ETF1: variants seen among roughly 807,000 people sequenced by gnomAD.
ETF1 encodes the protein eukaryotic translation termination factor 1.
ETF1 carries 4 observed loss-of-function variants against 55.1 expected under a neutral mutation model. That is an observed-to-expected ratio of 0.07 (90% CI 0.04 to 0.17). The LOEUF (loss-of-function observed/expected upper bound fraction) is 0.17, where lower values mean the gene tolerates loss of function less well. Ranked by LOEUF, ETF1 falls within the 10% of genes least tolerant of loss-of-function variation. ETF1 has a pLI of 1.00. For missense variants in ETF1, 142 were observed against 523.6 expected (o/e 0.27, Z 7.11); for synonymous variants, 157 against 182.3 (o/e 0.86, Z 1.12).
Position 138,543,140 on chromosome 5 carries a change from G to C in ETF1, c.-62C>G. On this transcript the variant is annotated 5_prime_UTR_variant, in exon 1 of 11. Transcript: ENST00000360541. ...GCGGCAGCGGCTGCTCCTCCCCGGC[G>C]GCGGCTCCGCGGCGGCGGCGGCTCT... is the stretch of plus-strand genomic sequence containing the variant. 1.7e-6 allele frequency: 1 copy of C among 580,142 alleles called. No individual in the cohort carries two copies. The highest frequency in any genetic ancestry group is 3.0e-6 in the Non-Finnish European group (1 of 331,626). The allele number at this position is 580,142 out of a possible 1,614,324, so 35.9% of individuals were successfully genotyped here. A position where few individuals can be genotyped will look rare whatever the true frequency, so the allele number is the denominator to read the frequency against.
chr5:138,522,959 T>C (rs1361060105), intron 2 of ETF1, among the ~76,000 whole-genome samples: 3 of 151,806 alleles, frequency 2.0e-5, no homozygotes, highest in Admixed American at 6.6e-5. Flanking sequence ...TTAGCCAAGA[T>C]AGCGCCACTG....
Position 138,510,645 on chromosome 5 carries a change from G to T in ETF1, c.1019-16C>A, listed in dbSNP as rs1473307500. The T allele has an allele frequency of 6.2e-7, 1 of 1,611,808 alleles. No individual in the cohort carries two copies. The highest frequency in any genetic ancestry group is 8.5e-7 in the Non-Finnish European group (1 of 1,178,948). Reference sequence around the variant, plus strand: ...ATTTTCTCCTCTGTAGTATTAGGAGGAAAAAATGTGTTAACCTGGCTCTCA... The same window carrying T: ...ATTTTCTCCTCTGTAGTATTAGGAGTAAAAAATGTGTTAACCTGGCTCTCA... On this transcript the variant is annotated splice_polypyrimidine_tract_variant and intron_variant, in intron 8 of 10. Transcript: ENST00000360541.
At chr5:138,518,422 A>T (rs1466904720) in intron 3 of ETF1, among the ~76,000 whole-genome samples, 1 of 152,054 alleles carries the variant, frequency 6.6e-6, no homozygotes, top group Non-Finnish European at 1.5e-5. Context: ...CATGTTGTCC[A>T]GGCTGGTCTC....
rs772423930 is a variant in ETF1 at position 138,511,154 on chromosome 5, A to G, written c.909T>C (p.Phe303=). The G allele has an allele frequency of 1.4e-5, 22 of 1,614,160 alleles. No homozygotes were observed. The South Asian group carries it at 2.4e-4, about 18-fold the overall frequency. ...AAGCCTTTAGTGTATCTTCAACGCC[A>G]AAACAGTACTTGCCCGTGTCCTGGC... ...EISQDTGKYC[F]GVEDTLKALE... The change falls in exon 8 of 11, where the codon TTT becomes TTC. Residue 303 remains phenylalanine (F), a synonymous_variant. Coordinates refer to ENST00000360541, the MANE Select transcript of ETF1 (RefSeq NM_004730.4).
intron 2 of ETF1, among the ~76,000 whole-genome samples, chr5:138,519,680 A>T (rs1013436966): frequency 3.3e-5 from 5 of 151,372 alleles, no homozygotes; most frequent in African/African-American, 1.2e-4. Flanking sequence ...AAAAAAAAAA[A>T]TCTCTCTCTC....
chr5:138,542,591 A>AG (rs1221381441), intron 2 of ETF1: 2 of 1,387,884 alleles, frequency 1.4e-6, no homozygotes, highest in East Asian at 2.8e-5. Context: ...GCCTACCACG[A>AG]GGGGGGCCGA....
At chr5:138,523,448 C>T (rs1476332140) in intron 2 of ETF1, among the ~76,000 whole-genome samples, 3 of 151,944 alleles carry the variant, frequency 2.0e-5, no homozygotes, top group South Asian at 2.1e-4. Context: ...GCAGGAGAAT[C>T]GCTTGAACCC....
At chr5:138,513,976 T>C (rs1764915646) in intron 4 of ETF1, 2 of 856,260 alleles carry the variant, frequency 2.3e-6, no homozygotes, top group Non-Finnish European at 2.8e-6. Context: ...ACCAGAAAGA[T>C]ATCTGTATGC....
At position 138,506,411 on chromosome 5, in the gene ETF1, A is replaced by G. The variant is rs1394269355; in HGVS notation, c.*1894T>C. 1.3e-5 allele frequency: 2 copies of G among 152,680 alleles called. No homozygotes were observed. Among genetic ancestry groups the G allele is most frequent in the Non-Finnish European group, 2.9e-5 (2 of 68,048 alleles). The allele number at this position is 152,680 out of a possible 1,614,324, so 9.5% of individuals were successfully genotyped here. The stretch of plus-strand genomic sequence containing the variant: ...GCATACCCTAAATGTATCATGTGAA[A>G]CAACAAGCATATTCAAAAATGTAAA... On this transcript the variant is annotated 3_prime_UTR_variant, in exon 11 of 11. Coordinates refer to ENST00000360541, the MANE Select transcript of ETF1 (RefSeq NM_004730.4).
At chr5:138,514,296 G>A (rs1168401546) in intron 4 of ETF1, among the ~76,000 whole-genome samples, 1 of 152,190 alleles carries the variant, frequency 6.6e-6, no homozygotes. Context: ...GCTCACACAT[G>A]TAATCCCAGC....
intron 7 of ETF1, 119 bp downstream of exon 7, chr5:138,511,356 T>C: frequency 6.6e-7 from 1 of 1,509,850 alleles, no homozygotes; most frequent in Non-Finnish European, 8.8e-7. Flanking sequence ...TTTACATTTT[T>C]GGTACCTTGT....
Position 138,519,260 on chromosome 5 carries a change from T to C in ETF1, c.87-393A>G, listed in dbSNP as rs1446994457. 9 of 892,204 alleles carry C rather than the reference T, an allele frequency of 1.0e-5. No homozygotes were observed. The East Asian group carries it at 1.1e-3, about 105-fold the overall frequency. The allele number at this position is 892,204 out of a possible 1,614,324, so 55.3% of individuals were successfully genotyped here. A position where few individuals can be genotyped will look rare whatever the true frequency, so the allele number is the denominator to read the frequency against. On this transcript the variant is annotated intron_variant, in intron 2 of 10. Coordinates refer to ENST00000360541, the MANE Select transcript of ETF1 (RefSeq NM_004730.4). ...TTGAGTGGGAGACGCCATGACAGGA[T>C]GATGCAATGAGTCTTTCCAAAGTCT...
chr5:138,537,499 T>C (rs1336065290), intron 2 of ETF1, among the ~76,000 whole-genome samples: 2 of 152,250 alleles, frequency 1.3e-5, no homozygotes, highest in African/African-American at 4.8e-5. Flanking sequence ...AAGTCTGTAG[T>C]TGTTTGTTCT....
intron 4 of ETF1, among the ~76,000 whole-genome samples, chr5:138,517,100 G>C (rs951771422): frequency 2.0e-5 from 3 of 152,168 alleles, no homozygotes; most frequent in African/African-American, 4.8e-5. Context: ...GCTGGGCGGG[G>C]TTGCTCATGC....
At chr5:138,509,459 C>T (rs542516596) in intron 9 of ETF1, among the ~76,000 whole-genome samples, 2 of 152,048 alleles carry the variant, frequency 1.3e-5, no homozygotes, top group Non-Finnish European at 2.9e-5. Context: ...AAGACAAAAA[C>T]AAACAAACAA....
intron 2 of ETF1, among the ~76,000 whole-genome samples, chr5:138,540,902 T>G (rs943877369): frequency 6.6e-6 from 1 of 152,236 alleles, no homozygotes; most frequent in Non-Finnish European, 1.5e-5. Flanking sequence ...GTTTCCTTCA[T>G]TAAGCAGTAG....
chr5:138,512,247 TATATATATATA>T (rs1334014953), intron 6 of ETF1, among the ~76,000 whole-genome samples: 4 of 8,294 alleles, frequency 4.8e-4, no homozygotes, highest in African/African-American at 1.4e-3. Flanking sequence ...TATATATATA[TATATATATATA>T]TTTTTTTTTT....
intron 2 of ETF1, among the ~76,000 whole-genome samples, chr5:138,538,869 C>G (rs1021908897): frequency 3.9e-5 from 6 of 152,120 alleles, no homozygotes; most frequent in African/African-American, 1.4e-4. Context: ...TTAACCTATT[C>G]AATGATCTCG....
At chr5:138,541,864 C>G (rs1766191762) in intron 2 of ETF1, among the ~76,000 whole-genome samples, 1 of 134,438 alleles carries the variant, frequency 7.4e-6, no homozygotes, top group South Asian at 2.6e-4. Context: ...GCACACCTTC[C>G]TCAAACGAAC....
Sources: gnomAD v4.1 joint callset for allele counts (sites outside exome capture counted in the v4.1 genomes callset) on GRCh38, gnomAD v4.1.1 for gene constraint, MANE v1.5 for transcripts, NCBI Gene and HGNC (gene_info 2026-07-23, HGNC 2026-07-21) for gene names.